The following GFM2 variants were observed in gnomAD, a reference collection of about 807,000 sequenced individuals.
GFM2 encodes the protein ribosome-releasing factor 2, mitochondrial.
GFM2 carries 72 observed loss-of-function variants against 95.4 expected under a neutral mutation model. That is an observed-to-expected ratio of 0.76 (90% CI 0.62 to 0.92). GFM2 has a LOEUF of 0.92. Ranked by LOEUF, GFM2 falls within the 40% of genes least tolerant of loss-of-function variation. The pLI, the probability that GFM2 is intolerant of heterozygous loss-of-function variation, is 0.00. For synonymous variants in GFM2, 276 were observed against 317.5 expected (o/e 0.87, Z 1.39); for missense variants, 825 against 924.1 (o/e 0.89, Z 1.39).
In GFM2 at chr5:74,733,115, T is replaced by C; in HGVS notation, c.1511-17A>G. The stretch of plus-strand genomic sequence containing the variant: ...GTTCCAAATCTATGGGATAAACAAC[T>C]GTTATCTTTACATTTCATTTTTTAA... On this transcript the variant is annotated splice_polypyrimidine_tract_variant and intron_variant, in intron 15 of 20. Coordinates refer to ENST00000296805, the MANE Select transcript of GFM2 (RefSeq NM_032380.5). 1 of 1,545,668 alleles carries C rather than the reference T, an allele frequency of 6.5e-7. No homozygotes were observed. The highest frequency in any genetic ancestry group is 8.9e-7 in the Non-Finnish European group (1 of 1,117,990).
At position 74,721,329 on chromosome 5, in the gene GFM2, C is replaced by G; in HGVS notation, c.*326G>C. 1 of 776,670 alleles carries G rather than the reference C, an allele frequency of 1.3e-6. No homozygotes were observed. 48.1% of individuals were successfully genotyped at this position (776,670 alleles called of 1,614,324 possible). On this transcript the variant is annotated 3_prime_UTR_variant, in exon 21 of 21. Transcript: ENST00000296805. ...CTTATTACATTTAGAGGCCTGGCATCTTTCTTGTGAGACAAGCTTAAGGAC... is the reference window on the plus strand; with the variant it reads ...CTTATTACATTTAGAGGCCTGGCATGTTTCTTGTGAGACAAGCTTAAGGAC...
intron 1 of GFM2, among the ~76,000 whole-genome samples, chr5:74,766,004 C>T (rs2112391814): frequency 6.6e-6 from 1 of 151,012 alleles, no homozygotes; most frequent in South Asian, 2.1e-4. Context: ...CGTCTCAAAA[C>T]AAAACAAAAA....
Position 74,744,643 on chromosome 5 carries a change from T to C in GFM2, c.849+1035A>G, listed in dbSNP as rs192946899. On this transcript the variant is annotated intron_variant, in intron 10 of 20. Transcript: ENST00000296805. ...ATACCAACTATAAAATTGATGGTTT[T>C]AAAATTTTCTAAATAATTTGACATC... Among the ~76,000 whole-genome samples, 27 of 152,312 alleles carry C rather than the reference T, an allele frequency of 1.8e-4. No homozygotes were observed. The East Asian group carries it at 5.2e-3, about 29-fold the overall frequency.
chr5:74,761,875 G>A (rs1744299117), intron 2 of GFM2, among the ~76,000 whole-genome samples: 1 of 152,158 alleles, frequency 6.6e-6, no homozygotes, highest in South Asian at 2.1e-4. Context: ...TCTGCTTTTT[G>A]TTTCATGAAC....
chr5:74,751,746 C>T (rs1431210296), intron 5 of GFM2, among the ~76,000 whole-genome samples: 1 of 151,420 alleles, frequency 6.6e-6, no homozygotes. Context: ...ACTTATTTTA[C>T]TTACTTACTT....
At position 74,721,597 on chromosome 5, in the gene GFM2, T is replaced by G. The variant is rs888999918; in HGVS notation, c.*58A>C. 2 of 1,545,600 alleles carry G rather than the reference T, an allele frequency of 1.3e-6. No homozygotes were observed. Among genetic ancestry groups the G allele is most frequent in the Non-Finnish European group, 8.8e-7 (1 of 1,130,408 alleles). On this transcript the variant is annotated 3_prime_UTR_variant, in exon 21 of 21. Transcript: ENST00000296805. The stretch of plus-strand genomic sequence containing the variant: ...CAATAAATAAAGCAATAAAAATTGT[T>G]CTTACTGAAAATGAAGTAGCTAGGT...
Position 74,740,092 on chromosome 5 carries a change from G to A in GFM2, c.976C>T (p.Pro326Ser), listed in dbSNP as rs763621033. ...TTCAGGGCACTTCCACAAAGCACAG[G>A]CACTGCTGTCTGAGCTAGTGTCACT... Reference protein sequence around the residue: ...HRVTLAQTAVPVLCGSALKNK... With the variant: ...HRVTLAQTAVSVLCGSALKNK... The change falls in exon 12 of 21, where the codon CCT (proline) becomes TCT (serine). Residue 326 changes from proline to serine, a missense_variant. Pro to Ser is a moderately conservative substitution (Grantham distance 74). Coordinates refer to ENST00000296805, the MANE Select transcript of GFM2 (RefSeq NM_032380.5). 2 of 1,606,770 alleles carry A rather than the reference G, an allele frequency of 1.2e-6. No homozygotes were observed. The highest frequency in any genetic ancestry group is 1.7e-5 in the Admixed American group (1 of 58,530).
intron 5 of GFM2, among the ~76,000 whole-genome samples, chr5:74,755,500 A>G (rs904712766): frequency 2.0e-5 from 3 of 152,246 alleles, no homozygotes; most frequent in African/African-American, 7.2e-5. Context: ...AACCAAGAAC[A>G]GAAAATATCC....
chr5:74,722,578 A>C lies in GFM2; in HGVS notation c.2029-17T>G. On this transcript the variant is annotated splice_polypyrimidine_tract_variant and intron_variant, in intron 19 of 20. Transcript: ENST00000296805. ...CTTCAGAGCCTAAAGAAATTAAAGAATGTTAACTTATCTTTCATAAATAAA... is the reference window on the plus strand; with the variant it reads ...CTTCAGAGCCTAAAGAAATTAAAGACTGTTAACTTATCTTTCATAAATAAA... 6.3e-7 allele frequency: 1 copy of C among 1,585,388 alleles called. No individual in the cohort carries two copies. The highest frequency in any genetic ancestry group is 8.6e-7 in the Non-Finnish European group (1 of 1,166,426).
intron 5 of GFM2, among the ~76,000 whole-genome samples, chr5:74,754,175 C>A (rs1181731125): frequency 2.6e-5 from 4 of 151,980 alleles, no homozygotes; most frequent in African/African-American, 9.7e-5. Context: ...AGAGAACTCA[C>A]CACTAGCAAG....
At chr5:74,730,560 AC>A (rs1742509754) in intron 16 of GFM2, 162 bp from the exon 17 acceptor site, 1 of 444,618 alleles carries the variant, frequency 2.2e-6, no homozygotes, top group African/African-American at 2.0e-5. Context: ...ATTGCTTTTG[AC>A]TTTTCTGACT....
intron 7 of GFM2, among the ~76,000 whole-genome samples, chr5:74,748,768 G>A (rs1743520153): frequency 6.6e-6 from 1 of 151,422 alleles, no homozygotes; most frequent in Non-Finnish European, 1.5e-5. Context: ...GGGAAGCTGA[G>A]GCACAAGGAT....
At chr5:74,765,419 T>C (rs72764655) in intron 1 of GFM2, among the ~76,000 whole-genome samples, 22,348 of 152,032 alleles carry the variant, frequency 0.15, 1,890 homozygotes, top group African/African-American at 0.23. Flanking sequence ...GTCTCTCCCA[T>C]GATGATAGGG....
chr5:74,744,200 T>C (rs1456709462), intron 10 of GFM2, among the ~76,000 whole-genome samples: 1 of 151,460 alleles, frequency 6.6e-6, no homozygotes, highest in Non-Finnish European at 1.5e-5. Flanking sequence ...AGCATGTTAC[T>C]GTACTGAATA....
intron 15 of GFM2, among the ~76,000 whole-genome samples, chr5:74,734,636 G>A (rs1260912004): frequency 1.3e-5 from 2 of 152,122 alleles, no homozygotes; most frequent in African/African-American, 4.8e-5. Context: ...GAGTACATGC[G>A]TATGACACTA....
At chr5:74,736,579 A>G in intron 15 of GFM2, 1 of 1,397,838 alleles carries the variant, frequency 7.2e-7, no homozygotes, top group South Asian at 1.6e-5. Flanking sequence ...AGAATATAAT[A>G]TGAGAAGAAT....
At chr5:74,735,173 ATACTT>A (rs1403882619) in intron 15 of GFM2, among the ~76,000 whole-genome samples, 1 of 152,224 alleles carries the variant, frequency 6.6e-6, no homozygotes, top group Non-Finnish European at 1.5e-5. Context: ...AATAAAAACT[ATACTT>A]AACTGTCCTC....
intron 4 of GFM2, among the ~76,000 whole-genome samples, 185 bp from the exon 5 acceptor site, chr5:74,759,131 C>A (rs1294334882): frequency 6.6e-6 from 1 of 152,158 alleles, no homozygotes; most frequent in Non-Finnish European, 1.5e-5. Context: ...AAAGGGCTAA[C>A]TACAACCTAC....
chr5:74,753,773 A>G (rs984756688), intron 5 of GFM2, among the ~76,000 whole-genome samples: 5 of 152,218 alleles, frequency 3.3e-5, no homozygotes, highest in Non-Finnish European at 5.9e-5. Context: ...AGAGAAATCT[A>G]AAAGTCTGGA....
Sources: gnomAD v4.1 joint callset for allele counts (sites outside exome capture counted in the v4.1 genomes callset) on GRCh38, gnomAD v4.1.1 for gene constraint, MANE v1.5 for transcripts, NCBI Gene and HGNC (gene_info 2026-07-23, HGNC 2026-07-21) for gene names.